The following DLG2 variants were observed in gnomAD, a reference collection of about 807,000 sequenced individuals.
DLG2 encodes disks large homolog 2.
DLG2 carries 45 observed loss-of-function variants against 132.5 expected under a neutral mutation model. The ratio of observed to expected loss-of-function variants is 0.34; its 90% CI spans 0.27 to 0.44. The LOEUF is 0.44. Ranked by LOEUF, DLG2 falls within the 20% of genes least tolerant of loss-of-function variation. The pLI, the probability that DLG2 is intolerant of heterozygous loss-of-function variation, is 1.00. For missense variants in DLG2, 1,045 were observed against 1,196.9 expected (o/e 0.87, Z 1.87); for synonymous variants, 424 against 419.6 (o/e 1.01, Z -0.13).
At position 85,056,812 on chromosome 11, in the gene DLG2, T is replaced by C. The variant is rs529401646; in HGVS notation, c.357+54849A>G. ...CAATAATGAAAGCCATAGGCATTTT[T>C]AATGTACTGACTGCCTAACTTGAAT... On this transcript the variant is annotated intron_variant, in intron 6 of 27. Coordinates refer to ENST00000376104, the MANE Select transcript of DLG2 (RefSeq NM_001142699.3). 7.9e-5 allele frequency among the ~76,000 whole-genome samples: 12 copies of C among 152,114 alleles called. No individual in the cohort carries two copies. In the South Asian group the frequency reaches 2.3e-3, roughly 29 times the overall value.
chr11:85,016,305 T>C (rs2059570153), intron 6 of DLG2, among the ~76,000 whole-genome samples: 1 of 152,150 alleles, frequency 6.6e-6, no homozygotes, highest in South Asian at 2.1e-4. Context: ...TACTATACTT[T>C]TTGACCTCAA....
intron 5 of DLG2, among the ~76,000 whole-genome samples, chr11:85,153,428 T>C (rs1380114759): frequency 6.6e-6 from 1 of 152,182 alleles, no homozygotes; most frequent in Non-Finnish European, 1.5e-5. Context: ...TCAATTTACT[T>C]AGTCACCAAG....
intron 3 of DLG2, among the ~76,000 whole-genome samples, chr11:85,372,606 G>T (rs751096946): frequency 3.9e-5 from 6 of 152,230 alleles, no homozygotes; most frequent in African/African-American, 7.2e-5. Context: ...TTGTTTCATG[G>T]ATAAAAGCCA....
intron 3 of DLG2, among the ~76,000 whole-genome samples, chr11:85,317,322 A>C (rs2080753512): frequency 6.6e-6 from 1 of 151,922 alleles, no homozygotes; most frequent in Admixed American, 6.6e-5. Flanking sequence ...AACTAAAGCT[A>C]CCGAGAAACT....
At chr11:83,891,014 G>A (rs1279451697) in intron 15 of DLG2, among the ~76,000 whole-genome samples, 3 of 152,084 alleles carry the variant, frequency 2.0e-5, no homozygotes, top group Non-Finnish European at 4.4e-5. Context: ...TTCCAATATT[G>A]TATCTGATTA....
intron 7 of DLG2, among the ~76,000 whole-genome samples, chr11:84,312,797 T>G (rs1386391405): frequency 6.6e-6 from 1 of 152,104 alleles, no homozygotes; most frequent in East Asian, 1.9e-4. Context: ...TATTTTTTAT[T>G]TTTTATTATT....
intron 18 of DLG2, among the ~76,000 whole-genome samples, chr11:83,760,254 G>C (rs1051988626): frequency 6.6e-6 from 1 of 152,176 alleles, no homozygotes; most frequent in Non-Finnish European, 1.5e-5. Context: ...AAAAAGAACA[G>C]AATACTAAAT....
chr11:83,472,755 A>G lies in DLG2; in HGVS notation c.2316T>C (p.Leu772=), dbSNP rs768935993. 2 of 1,612,226 alleles carry G rather than the reference A, an allele frequency of 1.2e-6. No homozygotes were observed. Among genetic ancestry groups the G allele is most frequent in the African/African-American group, 2.7e-5 (2 of 74,816 alleles). Residue 772 remains leucine (L), a synonymous_variant, in exon 23 of 28, where the codon CTT becomes CTC. Transcript: ENST00000376104. ...CCTGCCTTGTAACAGGCTCATAGGAAAGAATGAGGTCTTCTTGTCCTCCTG... is the reference window on the plus strand; with the variant it reads ...CCTGCCTTGTAACAGGCTCATAGGAGAGAATGAGGTCTTCTTGTCCTCCTG... ...DPERGQEDLI[L]SYEPVTRQEI...
intron 6 of DLG2, among the ~76,000 whole-genome samples, chr11:84,565,956 T>C (rs1207406512): frequency 6.9e-6 from 1 of 144,482 alleles, no homozygotes; most frequent in Non-Finnish European, 1.5e-5. Context: ...TTTCATATGA[T>C]GAAGTTTTTT....
chr11:83,598,439 C>T (rs2057991606), intron 19 of DLG2, among the ~76,000 whole-genome samples: 1 of 152,202 alleles, frequency 6.6e-6, no homozygotes, highest in Non-Finnish European at 1.5e-5. Context: ...AAAGTTTAGG[C>T]TAATGACAGT....
chr11:84,795,972 C>T lies in DLG2; in HGVS notation c.358-261241G>A, dbSNP rs2074544149. 2.0e-5 allele frequency among the ~76,000 whole-genome samples: 3 copies of T among 152,340 alleles called. No individual in the cohort carries two copies. The South Asian group carries it at 6.2e-4, about 32-fold the overall frequency. ...GCGCAGTGCCTGGACCCCATGCTCACTTGCTCACACACCCCTTGCCATTCT... is the reference window on the plus strand; with the variant it reads ...GCGCAGTGCCTGGACCCCATGCTCATTTGCTCACACACCCCTTGCCATTCT... On this transcript the variant is annotated intron_variant, in intron 6 of 27. Transcript: ENST00000376104.
At chr11:85,072,730 C>A (rs183881536) in intron 6 of DLG2, among the ~76,000 whole-genome samples, 1 of 151,904 alleles carries the variant, frequency 6.6e-6, no homozygotes, top group Admixed American at 6.6e-5. Flanking sequence ...GATTCCAAAG[C>A]CCATAATAAA....
chr11:84,220,842 T>C (rs1303831677), intron 8 of DLG2, among the ~76,000 whole-genome samples: 55 of 64,512 alleles, frequency 8.5e-4, no homozygotes, highest in African/African-American at 3.2e-3. Flanking sequence ...AATTCAGTAG[T>C]ATGATCACAG....
intron 3 of DLG2, among the ~76,000 whole-genome samples, chr11:85,371,287 G>A (rs931501676): frequency 8.6e-5 from 13 of 152,040 alleles, no homozygotes; most frequent in Admixed American, 2.0e-4. Flanking sequence ...ACTTTCGCTT[G>A]GAATATTGCT....
chr11:84,324,107 T>G (rs987051403), intron 7 of DLG2, among the ~76,000 whole-genome samples: 2 of 152,152 alleles, frequency 1.3e-5, no homozygotes, highest in African/African-American at 2.4e-5. Flanking sequence ...CCTGTGCATT[T>G]GTTGTCATAT....
At chr11:84,775,012 G>T (rs2070185120) in intron 6 of DLG2, among the ~76,000 whole-genome samples, 1 of 152,024 alleles carries the variant, frequency 6.6e-6, no homozygotes. Context: ...ACATATTGTA[G>T]AAAATATTCA....
intron 6 of DLG2, among the ~76,000 whole-genome samples, chr11:84,648,555 T>C (rs974490396): frequency 6.6e-6 from 1 of 152,176 alleles, no homozygotes; most frequent in Non-Finnish European, 1.5e-5. Context: ...ATACCCAATG[T>C]TGGAGGTGGG....
intron 7 of DLG2, among the ~76,000 whole-genome samples, chr11:84,287,194 G>A (rs2097918241): frequency 6.6e-6 from 1 of 152,026 alleles, no homozygotes; most frequent in Non-Finnish European, 1.5e-5. Flanking sequence ...GTTTTAGTAA[G>A]CTCTGCCCAT....
intron 15 of DLG2, among the ~76,000 whole-genome samples, chr11:83,885,500 T>C (rs1318982815): frequency 1.3e-5 from 2 of 152,110 alleles, no homozygotes; most frequent in African/African-American, 2.4e-5. Context: ...ACGAGGAGAA[T>C]GGAATCAAGC....
Sources: gnomAD v4.1 joint callset for allele counts (sites outside exome capture counted in the v4.1 genomes callset) on GRCh38, gnomAD v4.1.1 for gene constraint, MANE v1.5 for transcripts, NCBI Gene and HGNC (gene_info 2026-07-23, HGNC 2026-07-21) for gene names.